SCN2A: variants seen among roughly 807,000 people sequenced by gnomAD.
SCN2A encodes sodium voltage-gated channel alpha subunit 2.
Under a neutral mutation model 188.7 loss-of-function variants are expected in SCN2A, and 20 were observed. The observed-to-expected ratio is 0.11, with a 90% CI of 0.07 to 0.15. The LOEUF (loss-of-function observed/expected upper bound fraction) is 0.15. Among genes scored for constraint, SCN2A ranks in the 10% least tolerant of loss-of-function variants. SCN2A has a pLI of 1.00. For synonymous variants in SCN2A, 804 were observed against 833.1 expected, an observed-to-expected ratio of 0.97 and a Z score of 0.60; for missense variants, 1,278 against 2,445.0, an observed-to-expected ratio of 0.52 and a Z score of 10.07.
At chr2:165,349,493 A>C (rs1327959310) in intron 16 of SCN2A, among the ~76,000 whole-genome samples, 3 of 152,202 alleles carry the variant, frequency 2.0e-5, no homozygotes, top group African/African-American at 7.2e-5. Flanking sequence ...AAATTAACAT[A>C]TCTCTCTAAT....
At chr2:165,363,730 ATAAAT>A (rs1388134300) in intron 17 of SCN2A, among the ~76,000 whole-genome samples, 4 of 152,166 alleles carry the variant, frequency 2.6e-5, no homozygotes, top group East Asian at 1.9e-4. Context: ...GATATACCTG[ATAAAT>A]TAAAATAAGA....
chr2:165,282,252 G>A (rs353129), intron 1 of SCN2A, among the ~76,000 whole-genome samples: 2 of 151,946 alleles, frequency 1.3e-5, no homozygotes, highest in African/African-American at 4.8e-5. Flanking sequence ...CAATGCTTTG[G>A]GGGGTTGACC....
intron 14 of SCN2A, among the ~76,000 whole-genome samples, chr2:165,334,996 A>T (rs1698908474): frequency 6.6e-6 from 1 of 151,726 alleles, no homozygotes; most frequent in South Asian, 2.1e-4. Flanking sequence ...AATTAGGAAA[A>T]TTCTATTTAT....
rs796595702 is a variant in SCN2A, at chr2:165,350,460, C to CTTTTTTTT, written c.2920-3729_2920-3728insTTTTTTTT. Among the ~76,000 whole-genome samples the CTTTTTTTT allele has an allele frequency of 8.2e-4, 64 of 77,914 alleles. 4 individuals carry two copies. The highest frequency in any genetic ancestry group is 2.5e-3 in the African/African-American group (58 of 23,020). 51.1% of individuals were successfully genotyped at this position (77,914 alleles called of 152,430 possible). On this transcript the variant is annotated intron_variant, in intron 16 of 26. Coordinates refer to ENST00000375437, the MANE Select transcript of SCN2A (RefSeq NM_001040142.2). ...CTGAGTGAGCTTGCTGAACTGTTTTCTTTCTTTTTTTTTTTTTTTTTTTTT... is the reference window on the plus strand; with the variant it reads ...CTGAGTGAGCTTGCTGAACTGTTTTCTTTTTTTTTTTCTTTTTTTTTTTTTTTTTTTTT...
Position 165,293,442 on chromosome 2 carries a change from G to A in SCN2A, c.-51-2331G>A, listed in dbSNP as rs531899735. 1.4e-4 allele frequency among the ~76,000 whole-genome samples: 21 copies of A among 152,240 alleles called. No homozygotes were observed. The East Asian group carries it at 3.9e-3, about 28-fold the overall frequency. Reference sequence around the variant, plus strand: ...TTACACAACTAGGTTACATGGTATAGCCTATTGTTCCTAGGCTACAAACCT... The same window carrying A: ...TTACACAACTAGGTTACATGGTATAACCTATTGTTCCTAGGCTACAAACCT... On this transcript the variant is annotated intron_variant, in intron 1 of 26. Transcript: ENST00000375437.
intron 11 of SCN2A, among the ~76,000 whole-genome samples, chr2:165,317,369 AG>A (rs796390330): frequency 2.5e-5 from 3 of 119,964 alleles, no homozygotes; most frequent in South Asian, 2.8e-4. Context: ...GGAGGGAGGG[AG>A]GGGGGAGAGA....
At chr2:165,322,952 G>A (rs553288202) in intron 11 of SCN2A, among the ~76,000 whole-genome samples, 18 of 152,268 alleles carry the variant, frequency 1.2e-4, no homozygotes, top group African/African-American at 4.3e-4. Flanking sequence ...GAGAAAAAGC[G>A]AGAGTGAAAT....
intron 14 of SCN2A, among the ~76,000 whole-genome samples, chr2:165,338,298 C>CG (rs1199029707): frequency 3.4e-5 from 5 of 147,960 alleles, no homozygotes; most frequent in African/African-American, 1.3e-4. Flanking sequence ...CTCGCTCTCT[C>CG]GCCCAGGCTG....
At chr2:165,383,012 T>G (rs1040779823) in intron 25 of SCN2A, among the ~76,000 whole-genome samples, 4 of 152,166 alleles carry the variant, frequency 2.6e-5, no homozygotes, top group African/African-American at 9.6e-5. Flanking sequence ...GTTCAACACA[T>G]TCAGCTAGAA....
intron 17 of SCN2A, 42 bp downstream of exon 17, chr2:165,354,713 T>G (rs1700094536): frequency 6.3e-7 from 1 of 1,595,848 alleles, no homozygotes; most frequent in South Asian, 1.1e-5. Context: ...TGTTATATAA[T>G]TCTGTTGTTT....
rs1701263979 is a variant in SCN2A at position 165,375,523 on chromosome 2, G to A, written c.4254+557G>A. On this transcript the variant is annotated intron_variant, in intron 22 of 26. Coordinates refer to ENST00000375437, the MANE Select transcript of SCN2A (RefSeq NM_001040142.2). ...AAACAGTGTTTGTGTATGTGTGCGT[G>A]TATATAGAAGTAGTCAGGGAAGGGG... Among the ~76,000 whole-genome samples, 6 of 151,886 alleles carry A rather than the reference G, an allele frequency of 4.0e-5. No homozygotes were observed. The South Asian group carries it at 1.2e-3, about 31-fold the overall frequency.
chr2:165,272,602 T>C (rs1209770060), intron 1 of SCN2A: 1 of 152,048 alleles, frequency 6.6e-6, no homozygotes, highest in African/African-American at 2.4e-5. Context: ...CAGGTGGTGT[T>C]ATGCTAGGCC....
At chr2:165,302,692 C>T (rs767661891) in intron 3 of SCN2A, among the ~76,000 whole-genome samples, 1 of 151,960 alleles carries the variant, frequency 6.6e-6, no homozygotes, top group Non-Finnish European at 1.5e-5. Flanking sequence ...ATTGCTGAAG[C>T]CCACATGGCT....
At chr2:165,245,588 A>G (rs1693810173) in intron 1 of SCN2A, 1 of 151,344 alleles carries the variant, frequency 6.6e-6, no homozygotes, top group Non-Finnish European at 1.5e-5. Flanking sequence ...GGCAGCTAGG[A>G]TCTGTGAGGA....
At chr2:165,373,810 A>G (rs1202956659) in intron 21 of SCN2A, among the ~76,000 whole-genome samples, 1 of 152,100 alleles carries the variant, frequency 6.6e-6, no homozygotes, top group African/African-American at 2.4e-5. Context: ...TCAACTGGAA[A>G]TCTAACGCTC....
At chr2:165,354,133 T>C (rs1211491269) in intron 16 of SCN2A, 59 bp from the exon 17 acceptor site, 6 of 1,607,208 alleles carry the variant, frequency 3.7e-6, no homozygotes, top group Middle Eastern at 2.2e-4. Flanking sequence ...AAACTAATGA[T>C]GGAAAGCAAT....
intron 1 of SCN2A, among the ~76,000 whole-genome samples, chr2:165,260,580 A>C (rs959776357): frequency 6.6e-6 from 1 of 152,116 alleles, no homozygotes; most frequent in Non-Finnish European, 1.5e-5. Flanking sequence ...TTCAACTGAA[A>C]GTCACCAGCT....
chr2:165,302,014 T>G (rs1696840098), intron 3 of SCN2A, among the ~76,000 whole-genome samples: 1 of 152,220 alleles, frequency 6.6e-6, no homozygotes. Flanking sequence ...AACCCTCGGA[T>G]TTAATATACT....
At chr2:165,373,682 C>G (rs1463200830) in intron 21 of SCN2A, among the ~76,000 whole-genome samples, 1 of 152,098 alleles carries the variant, frequency 6.6e-6, no homozygotes, top group Non-Finnish European at 1.5e-5. Context: ...TAGTTTAAGC[C>G]TACCAAATCA....
Sources: gnomAD v4.1 joint callset for allele counts (sites outside exome capture counted in the v4.1 genomes callset) on GRCh38, gnomAD v4.1.1 for gene constraint, MANE v1.5 for transcripts, NCBI Gene and HGNC (gene_info 2026-07-23, HGNC 2026-07-21) for gene names.